Variants in TSGA13 observed in about 807,000 individuals in gnomAD.
TSGA13 encodes testis-specific gene 13 protein.
A neutral mutation model predicts 35.1 loss-of-function variants in TSGA13; 37 were observed. The observed-to-expected ratio is 1.05, with a 90% CI of 0.81 to 1.39. The LOEUF (loss-of-function observed/expected upper bound fraction) is 1.39. TSGA13 is among the 40% of genes most tolerant of loss of function. The pLI is 0.00. For missense variants in TSGA13, 338 were observed against 328.5 expected (o/e 1.03, Z -0.22); for synonymous variants, 124 against 121.2 (o/e 1.02, Z -0.15).
chr7:130,676,547 T>A (rs1796414953), intron 5 of TSGA13, among the ~76,000 whole-genome samples: 1 of 152,212 alleles, frequency 6.6e-6, no homozygotes, highest in East Asian at 1.9e-4. Context: ...CCCACTGCCA[T>A]GAGAAACTAC....
intron 4 of TSGA13, among the ~76,000 whole-genome samples, chr7:130,680,679 G>C (rs1796523740): frequency 6.6e-6 from 1 of 151,916 alleles, no homozygotes; most frequent in Non-Finnish European, 1.5e-5. Context: ...TTTTTTTCCT[G>C]ATCATAAATA....
chr7:130,678,195 G>A lies in TSGA13; in HGVS notation c.387+960C>T, dbSNP rs539681630. The stretch of plus-strand genomic sequence containing the variant: ...AGATCGAGACCATCCTGGCTAACAC[G>A]GTGAAACCCCGTCTCTACTAAAAAA... On this transcript the variant is annotated intron_variant, in intron 5 of 7. Coordinates refer to ENST00000356588, the MANE Select transcript of TSGA13 (RefSeq NM_052933.4). Among the ~76,000 whole-genome samples, 5 of 152,162 alleles carry A rather than the reference G, an allele frequency of 3.3e-5. No individual in the cohort carries two copies. In the South Asian group the frequency reaches 6.2e-4, roughly 19 times the overall value.
intron 3 of TSGA13, 90 bp from the exon 4 acceptor site, chr7:130,681,107 A>G (rs1796535499): frequency 7.3e-6 from 8 of 1,100,430 alleles, no homozygotes; most frequent in Non-Finnish European, 9.7e-6. Flanking sequence ...TCACTGGAGA[A>G]CTGGTCTCTA....
intron 6 of TSGA13, 55 bp downstream of exon 6, chr7:130,672,679 G>A (rs1481231224): frequency 1.1e-5 from 18 of 1,586,418 alleles, no homozygotes; most frequent in South Asian, 1.2e-5. Context: ...AACCAGAAAC[G>A]TGAATAGGGA....
At chr7:130,677,001 T>C (rs1281164281) in intron 5 of TSGA13, among the ~76,000 whole-genome samples, 1 of 152,076 alleles carries the variant, frequency 6.6e-6, no homozygotes, top group Admixed American at 6.6e-5. Flanking sequence ...CACTCCATTT[T>C]CCTGCCTCAG....
chr7:130,681,322 A>G (rs1554465068), intron 3 of TSGA13, among the ~76,000 whole-genome samples: 1 of 152,206 alleles, frequency 6.6e-6, no homozygotes, highest in African/African-American at 2.4e-5. Context: ...ATCAGTTCAG[A>G]TTGCGACAAA....
intron 5 of TSGA13, among the ~76,000 whole-genome samples, chr7:130,674,320 G>A (rs1554463824): frequency 4.0e-5 from 6 of 151,210 alleles, no homozygotes; most frequent in Non-Finnish European, 4.4e-5. Context: ...TTACAGGTGC[G>A]TGTCACCACG....
intron 7 of TSGA13, 35 bp from the exon 8 acceptor site, chr7:130,669,218 C>T (rs1554462460): frequency 1.2e-6 from 2 of 1,613,108 alleles, no homozygotes; most frequent in Admixed American, 1.7e-5. Flanking sequence ...GTGAATGTGG[C>T]TTTTCAGAAG....
rs782458674 is a variant in TSGA13, at chr7:130,679,237, T to A, written c.305A>T (p.Asn102Ile). 1.2e-6 allele frequency: 2 copies of A among 1,614,112 alleles called. No homozygotes were observed. Among genetic ancestry groups the A allele is most frequent in the Admixed American group, 3.3e-5 (2 of 60,008 alleles). The change falls in exon 5 of 8, where the codon AAC becomes ATC. Residue 102 changes from asparagine (N) to isoleucine (I), a missense_variant. Asn to Ile is a moderately radical substitution (Grantham distance 149, BLOSUM62 -3). Transcript: ENST00000356588. The part of the protein sequence containing the change: ...QDKTLLIMTN[N>I]PPPCSITQQD... ...CTGGGTGATTGAGCAGGGAGGTGGG[T>A]TGTTGGTCATAATCAGTAACGTCTT...
At position 130,683,690 on chromosome 7, in the gene TSGA13, C is replaced by T; in HGVS notation, c.24-18G>A. The stretch of plus-strand genomic sequence containing the variant: ...TTTGAAACCTGAAAAAGAGGCAGAA[C>T]ATCCGGTTGCACTTTCTGGCTCAGA... On this transcript the variant is annotated intron_variant, in intron 2 of 7. Transcript: ENST00000356588. The T allele has an allele frequency of 1.2e-6, 2 of 1,612,142 alleles. No homozygotes were observed. The highest frequency in any genetic ancestry group is 1.7e-6 in the Non-Finnish European group (2 of 1,178,558).
intron 6 of TSGA13, 24 bp downstream of exon 6, chr7:130,672,710 G>A: frequency 1.2e-6 from 2 of 1,608,194 alleles, no homozygotes; most frequent in South Asian, 1.1e-5. Flanking sequence ...AAGAAAGCAA[G>A]TACAAGAAGA....
chr7:130,684,127 G>A (rs1174786979), intron 2 of TSGA13, among the ~76,000 whole-genome samples: 7 of 152,244 alleles, frequency 4.6e-5, no homozygotes, highest in African/African-American at 1.7e-4. Flanking sequence ...CAATGAATCT[G>A]TGAGAAGGAA....
chr7:130,686,174 A>G (rs1554465711), intron 1 of TSGA13, 88 bp downstream of exon 1: 1 of 152,182 alleles, frequency 6.6e-6, no homozygotes, highest in African/African-American at 2.4e-5. Context: ...CCTAAAGATG[A>G]TTTCTAGAGT....
chr7:130,683,053 A>G (rs2116328803), intron 3 of TSGA13, among the ~76,000 whole-genome samples: 1 of 152,298 alleles, frequency 6.6e-6, no homozygotes. Context: ...AAAAAAAATA[A>G]TTTTAGGGGG....
At chr7:130,677,521 T>G (rs2116315209) in intron 5 of TSGA13, among the ~76,000 whole-genome samples, 1 of 152,022 alleles carries the variant, frequency 6.6e-6, no homozygotes, top group Middle Eastern at 3.4e-3. Flanking sequence ...ACCTCCCAGG[T>G]TCAAGCGATT....
chr7:130,673,609 T>C lies in TSGA13; in HGVS notation c.388-733A>G, dbSNP rs537627458. On this transcript the variant is annotated intron_variant, in intron 5 of 7. Transcript: ENST00000356588. ...CATCACATTCCTCCTAAGCTCTGTC[T>C]CTTCCAGGCTAAACATTGCCAATGT... Among the ~76,000 whole-genome samples, 25 of 152,354 alleles carry C rather than the reference T, an allele frequency of 1.6e-4. No individual in the cohort carries two copies. The East Asian group carries it at 4.8e-3, about 29-fold the overall frequency.
At chr7:130,678,852 G>A (rs986902490) in intron 5 of TSGA13, among the ~76,000 whole-genome samples, 9 of 152,004 alleles carry the variant, frequency 5.9e-5, no homozygotes, top group Non-Finnish European at 8.8e-5. Context: ...TGAGACCCCC[G>A]TCTCTACCAA....
At chr7:130,684,060 ATTC>A (rs1311392586) in intron 2 of TSGA13, among the ~76,000 whole-genome samples, 5 of 152,216 alleles carry the variant, frequency 3.3e-5, no homozygotes, top group African/African-American at 1.2e-4. Context: ...TTACCTGCCT[ATTC>A]TTCTTCCACA....
Position 130,668,909 on chromosome 7 carries a change from G to A in TSGA13, c.*105C>T, listed in dbSNP as rs547624017. On this transcript the variant is annotated 3_prime_UTR_variant, in exon 8 of 8. Coordinates refer to ENST00000356588, the MANE Select transcript of TSGA13 (RefSeq NM_052933.4). The stretch of plus-strand genomic sequence containing the variant: ...CTCGACCCTCCCGGCTTGCGACCCG[G>A]GAGCCCACGCCCGCAGCAGCAGGAA... The A allele has an allele frequency of 7.2e-5, 107 of 1,485,046 alleles. No individual in the cohort carries two copies. In the East Asian group the frequency reaches 7.8e-4, roughly 11 times the overall value. 92.0% of individuals were successfully genotyped at this position (1,485,046 alleles called of 1,614,324 possible).
Sources: allele counts gnomAD v4.1 joint callset (sites outside exome capture counted in the v4.1 genomes callset), GRCh38; gene constraint gnomAD v4.1.1; transcripts MANE v1.5; gene names NCBI Gene and HGNC (gene_info 2026-07-23, HGNC 2026-07-21).